Variants in FAM120C observed in about 807,000 individuals in gnomAD.
The protein encoded by FAM120C is family with sequence similarity 120 member C, also known as constitutive coactivator of PPAR-gamma-like protein 2.
A neutral mutation model predicts 71.2 loss-of-function variants in FAM120C; 14 were observed. The observed-to-expected ratio is 0.20, with a 90% CI of 0.13 to 0.31. The LOEUF (loss-of-function observed/expected upper bound fraction) is 0.31. Ranked by LOEUF, FAM120C falls within the 10% of genes least tolerant of loss-of-function variation. The pLI is 1.00. For missense variants in FAM120C, 500 were observed against 879.0 expected, an observed-to-expected ratio of 0.57 and a Z score of 5.45; for synonymous variants, 354 against 353.2, an observed-to-expected ratio of 1.00 and a Z score of -0.03.
chrX:54,176,486 T>C (rs1437804927), intron 1 of FAM120C, among the ~76,000 whole-genome samples: 1 of 90,761 alleles, frequency 1.1e-5, no homozygotes, highest in Non-Finnish European at 2.2e-5. Context: ...GAGGAAAAAA[T>C]AGAGATTAAT....
chrX:54,179,618 G>T (rs2067336550), intron 1 of FAM120C, among the ~76,000 whole-genome samples: 1 of 111,639 alleles, frequency 9.0e-6, no homozygotes, highest in Non-Finnish European at 1.9e-5. Flanking sequence ...TCACTCATTA[G>T]TAACATCGAC....
rs1603362795 is a variant in FAM120C, at chrX:54,154,626, A to G, written c.1029+3063T>C. ...CATCTCAAAAAAAAAAAAAAAAAAA[A>G]GGGAAGAAAGAAAATGGAAGGATGA... On this transcript the variant is annotated intron_variant, in intron 3 of 15. Transcript: ENST00000375180. Among the ~76,000 whole-genome samples the G allele has an allele frequency of 3.4e-5, 3 of 88,385 alleles. No individual in the cohort carries two copies. In the East Asian group the frequency reaches 1.1e-3, roughly 32 times the overall value. 76.8% of individuals were successfully genotyped at this position (88,385 alleles called of 115,157 possible).
intron 10 of FAM120C, among the ~76,000 whole-genome samples, chrX:54,107,667 G>A (rs2066914192): frequency 9.7e-6 from 1 of 103,443 alleles, no homozygotes. Context: ...TTAGAGGCGT[G>A]TGCCACTACT....
rs113515456 is a variant in FAM120C at position 54,098,005 on chromosome X, C to A, written c.2313-6579G>T. Among the ~76,000 whole-genome samples the A allele has an allele frequency of 1.9e-5, 2 of 107,611 alleles. 1 individual carries two copies. The highest frequency in any genetic ancestry group is 8.1e-4 in the South Asian group (2 of 2,460). The allele number at this position is 107,611 out of a possible 115,157, so 93.4% of individuals were successfully genotyped here. On this transcript the variant is annotated intron_variant, in intron 10 of 15. Coordinates refer to ENST00000375180, the MANE Select transcript of FAM120C (RefSeq NM_017848.6). ...CCTCCCAAAGTGCTGGGATTACAGG[C>A]GTGAGCCACTGTGCCCGGCCTATTT... is the stretch of plus-strand genomic sequence containing the variant.
At chrX:54,107,613 G>A (rs1015981475) in intron 10 of FAM120C, among the ~76,000 whole-genome samples, 1 of 105,162 alleles carries the variant, frequency 9.5e-6, no homozygotes, top group African/African-American at 3.5e-5. Context: ...TCTGCCTCCC[G>A]GGTTCAAGTG....
intron 10 of FAM120C, among the ~76,000 whole-genome samples, chrX:54,109,745 A>G (rs2066925664): frequency 9.3e-6 from 1 of 107,778 alleles, no homozygotes; most frequent in Non-Finnish European, 1.9e-5. Flanking sequence ...TGAACCCAGG[A>G]GGTGGAGTTT....
At chrX:54,107,531 T>G (rs1413075498) in intron 10 of FAM120C, among the ~76,000 whole-genome samples, 6 of 108,808 alleles carry the variant, frequency 5.5e-5, no homozygotes, top group Non-Finnish European at 9.5e-5. Flanking sequence ...AAAAAAATTT[T>G]TTTTTTGAGA....
chrX:54,095,407 C>T (rs143515115), intron 10 of FAM120C, among the ~76,000 whole-genome samples: 1,293 of 96,951 alleles, frequency 0.013, 19 homozygotes, highest in African/African-American at 0.049. Context: ...GGTGTGATCA[C>T]GGGTCACTGC....
chrX:54,113,018 C>T (rs1318224743), intron 10 of FAM120C, among the ~76,000 whole-genome samples: 5 of 108,763 alleles, frequency 4.6e-5, no homozygotes, highest in African/African-American at 1.7e-4. Flanking sequence ...AAAACTCCAT[C>T]TCAAAAAAAC....
chrX:54,145,314 A>G (rs1225732375), intron 4 of FAM120C, among the ~76,000 whole-genome samples: 3 of 111,843 alleles, frequency 2.7e-5, no homozygotes, highest in Non-Finnish European at 5.6e-5. Flanking sequence ...AAATAGACAA[A>G]TGGGATCTAA....
intron 12 of FAM120C, among the ~76,000 whole-genome samples, chrX:54,087,310 TAA>T (rs11330205): frequency 3.1e-3 from 284 of 92,475 alleles, no homozygotes; most frequent in Middle Eastern, 5.6e-3. Flanking sequence ...AGACTCCGTC[TAA>T]AAAAAAAAAA....
intron 2 of FAM120C, among the ~76,000 whole-genome samples, chrX:54,158,348 T>C (rs1227271305): frequency 8.9e-6 from 1 of 112,631 alleles, no homozygotes; most frequent in Non-Finnish European, 1.9e-5. Context: ...TCCAAACTCA[T>C]GTCCTTTGGA....
At chrX:54,091,274 A>G in intron 11 of FAM120C, 38 bp downstream of exon 11, 6 of 1,006,085 alleles carry the variant, frequency 6.0e-6, no homozygotes, top group Non-Finnish European at 4.2e-6. Context: ...CCATAAGCTC[A>G]TAAAAGAAAG....
chrX:54,106,657 CATCT>C (rs1257669806), intron 10 of FAM120C, among the ~76,000 whole-genome samples: 2 of 111,549 alleles, frequency 1.8e-5, no homozygotes, highest in Non-Finnish European at 1.9e-5. Context: ...GCAATCTATC[CATCT>C]AACAAAGGGC....
intron 10 of FAM120C, among the ~76,000 whole-genome samples, chrX:54,100,319 A>G (rs1039914118): frequency 1.8e-5 from 2 of 111,035 alleles, no homozygotes; most frequent in Admixed American, 9.7e-5. Flanking sequence ...GTGAAACCCC[A>G]TCTCTACTAA....
At chrX:54,152,333 C>T (rs1041458667) in intron 3 of FAM120C, among the ~76,000 whole-genome samples, 3 of 111,665 alleles carry the variant, frequency 2.7e-5, no homozygotes, top group African/African-American at 9.7e-5. Context: ...CAATTATGTG[C>T]ACACATGTGC....
chrX:54,083,470 CA>C (rs1557121579), intron 13 of FAM120C, among the ~76,000 whole-genome samples: 2 of 107,338 alleles, frequency 1.9e-5, no homozygotes, highest in African/African-American at 6.9e-5. Context: ...CACACACACA[CA>C]CACACACCAA....
intron 4 of FAM120C, among the ~76,000 whole-genome samples, chrX:54,150,334 C>T (rs1557132846): frequency 8.9e-6 from 1 of 111,970 alleles, no homozygotes; most frequent in East Asian, 2.8e-4. Flanking sequence ...ATACTGAATA[C>T]TATACTGAAA....
intron 4 of FAM120C, among the ~76,000 whole-genome samples, chrX:54,137,249 G>A (rs1053372433): frequency 8.1e-5 from 9 of 111,362 alleles, no homozygotes; most frequent in African/African-American, 2.9e-4. Context: ...CACGGTGCCC[G>A]GCCAATTTTT....
Sources: allele counts gnomAD v4.1 joint callset (sites outside exome capture counted in the v4.1 genomes callset), GRCh38; gene constraint gnomAD v4.1.1; transcripts MANE v1.5; gene names NCBI Gene and HGNC (gene_info 2026-07-23, HGNC 2026-07-21).